Variants in ICA1 observed in about 807,000 individuals in gnomAD.
The protein encoded by ICA1 is islet cell autoantigen 1, also known as 69 kDa islet cell autoantigen.
In ICA1, 40 loss-of-function variants were observed where a neutral mutation model predicts 71.0. The observed-to-expected ratio is 0.56, with a 90% CI of 0.44 to 0.73. ICA1 has a LOEUF of 0.73. Among genes scored for constraint, ICA1 ranks in the 30% least tolerant of loss-of-function variants. ICA1 has a pLI of 0.00. For synonymous variants in ICA1, 207 were observed against 209.5 expected, an observed-to-expected ratio of 0.99 and a Z score of 0.10; for missense variants, 578 against 576.5, an observed-to-expected ratio of 1.00 and a Z score of -0.03.
In ICA1 at chr7:8,139,159, A is replaced by G. The variant is rs1000568453; in HGVS notation, c.956-112T>C. ...GCTTCAGGAAGAAATGGGATCCACAAACTCAGCCAGAAGCAAGGGTCCTCA... is the reference window on the plus strand; with the variant it reads ...GCTTCAGGAAGAAATGGGATCCACAGACTCAGCCAGAAGCAAGGGTCCTCA... On this transcript the variant is annotated intron_variant, in intron 10 of 13. Transcript: ENST00000402384. 119 of 803,714 alleles carry G rather than the reference A, an allele frequency of 1.5e-4. No individual in the cohort carries two copies. The South Asian group carries it at 2.0e-3, about 13-fold the overall frequency. The allele number at this position is 803,714 out of a possible 1,614,324, so 49.8% of individuals were successfully genotyped here.
At position 8,174,773 on chromosome 7, in the gene ICA1, A is replaced by AC. The variant is rs1562836979; in HGVS notation, c.580-16122_580-16121insG. Among the ~76,000 whole-genome samples, 210 of 149,916 alleles carry AC rather than the reference A, an allele frequency of 1.4e-3. 1 individual carries two copies. Among genetic ancestry groups the AC allele is most frequent in the African/African-American group, 4.5e-3 (181 of 40,672 alleles). On this transcript the variant is annotated intron_variant, in intron 6 of 13. Transcript: ENST00000402384. ...TGTATCTCAAAAAAAAAAAAAAAAA[A>AC]AAAAAACAGAGAGAGAGACAAATGA...
intron 6 of ICA1, among the ~76,000 whole-genome samples, chr7:8,186,568 G>A (rs1289413522): frequency 6.6e-6 from 1 of 152,118 alleles, no homozygotes; most frequent in Non-Finnish European, 1.5e-5. Flanking sequence ...GACAGGGGAT[G>A]GATGACAGAG....
chr7:8,130,495 G>A lies in ICA1; in HGVS notation c.1061-2353C>T, dbSNP rs148537273. On this transcript the variant is annotated intron_variant, in intron 12 of 13. Transcript: ENST00000402384. This position sits in a 1 kb window ranked among gnomAD's most constrained non-coding sequence, Gnocchi z 4.2. Reference sequence around the variant, plus strand: ...CTCTATACTTCCTACTTTCAGGTAGGACTGGAATGCCCAAACCCTTTCTTA... The same window carrying A: ...CTCTATACTTCCTACTTTCAGGTAGAACTGGAATGCCCAAACCCTTTCTTA... Among the ~76,000 whole-genome samples the A allele has an allele frequency of 6.6e-6, 1 of 152,232 alleles. No homozygotes were observed. Among genetic ancestry groups the A allele is most frequent in the Non-Finnish European group, 1.5e-5 (1 of 68,038 alleles).
At chr7:8,241,318 C>A (rs1803787909) in intron 1 of ICA1, among the ~76,000 whole-genome samples, 1 of 152,180 alleles carries the variant, frequency 6.6e-6, no homozygotes, top group Non-Finnish European at 1.5e-5. Context: ...GCAAACTAAG[C>A]TTCATAAGTG....
intron 6 of ICA1, among the ~76,000 whole-genome samples, chr7:8,213,478 A>G (rs1468617361): frequency 6.6e-6 from 1 of 152,208 alleles, no homozygotes; most frequent in Non-Finnish European, 1.5e-5. Context: ...TTTAATCCAG[A>G]GAGCTGAATG....
intron 12 of ICA1, among the ~76,000 whole-genome samples, chr7:8,133,378 G>T (rs949094954): frequency 6.6e-6 from 1 of 152,102 alleles, no homozygotes; most frequent in African/African-American, 2.4e-5. Context: ...CTCCAGGCTT[G>T]AATGCCTTCT....
At chr7:8,252,306 T>A (rs1165767949) in intron 1 of ICA1, among the ~76,000 whole-genome samples, 1 of 152,244 alleles carries the variant, frequency 6.6e-6, no homozygotes, top group African/African-American at 2.4e-5. Context: ...TGTGAAGGAA[T>A]ACTACGCCCT....
At chr7:8,180,454 C>T (rs540157333) in intron 6 of ICA1, among the ~76,000 whole-genome samples, 16 of 152,214 alleles carry the variant, frequency 1.1e-4, no homozygotes, top group African/African-American at 2.4e-4. Flanking sequence ...TTTACTTTCA[C>T]GTTGCAGCTA....
chr7:8,142,392 G>A (rs940310282), intron 9 of ICA1, among the ~76,000 whole-genome samples: 2 of 152,172 alleles, frequency 1.3e-5, no homozygotes, highest in Admixed American at 6.5e-5. Flanking sequence ...CAAAATTCAC[G>A]TTCAGTGTTC....
At position 8,212,675 on chromosome 7, in the gene ICA1, T is replaced by C. The variant is rs565941434; in HGVS notation, c.579+5630A>G. Among the ~76,000 whole-genome samples, 4 of 152,268 alleles carry C rather than the reference T, an allele frequency of 2.6e-5. No homozygotes were observed. The South Asian group carries it at 8.3e-4, about 32-fold the overall frequency. Reference sequence around the variant, plus strand: ...AATAGGCCTATCGGACCTATCCAAGTGGTCACAGCTGGTGTCAGCAAGGGC... The same window carrying C: ...AATAGGCCTATCGGACCTATCCAAGCGGTCACAGCTGGTGTCAGCAAGGGC... On this transcript the variant is annotated intron_variant, in intron 6 of 13. Coordinates refer to ENST00000402384, the MANE Select transcript of ICA1 (RefSeq NM_001136020.3).
At position 8,173,588 on chromosome 7, in the gene ICA1, T is replaced by C. The variant is rs1779551472; in HGVS notation, c.580-14936A>G. On this transcript the variant is annotated intron_variant, in intron 6 of 13. Coordinates refer to ENST00000402384, the MANE Select transcript of ICA1 (RefSeq NM_001136020.3). The surrounding 1 kb of genome is among the most constrained non-coding windows in gnomAD (Gnocchi z 4.0). The stretch of plus-strand genomic sequence containing the variant: ...TCTGTGCTTCAGGACGACCGGATAA[T>C]TGACAAGGGAGTTATTCATTGCTGA... Among the ~76,000 whole-genome samples, 2 of 152,186 alleles carry C rather than the reference T, an allele frequency of 1.3e-5. No individual in the cohort carries two copies. The highest frequency in any genetic ancestry group is 2.1e-4 in the South Asian group (1 of 4,832).
intron 1 of ICA1, among the ~76,000 whole-genome samples, chr7:8,252,659 T>C (rs1475501305): frequency 1.3e-5 from 2 of 151,584 alleles, no homozygotes; most frequent in Non-Finnish European, 2.9e-5. Flanking sequence ...TATTTATAGT[T>C]ATAAAAATTA....
chr7:8,139,697 T>C (rs1794575291), intron 10 of ICA1, among the ~76,000 whole-genome samples: 1 of 152,174 alleles, frequency 6.6e-6, no homozygotes, highest in Non-Finnish European at 1.5e-5. Flanking sequence ...TCAATGTAGG[T>C]TTATTGACTA....
At position 8,175,139 on chromosome 7, in the gene ICA1, G is replaced by A. The variant is rs541150376; in HGVS notation, c.580-16487C>T. Among the ~76,000 whole-genome samples the A allele has an allele frequency of 1.8e-4, 28 of 151,990 alleles. No homozygotes were observed. The East Asian group carries it at 4.8e-3, about 26-fold the overall frequency. On this transcript the variant is annotated intron_variant, in intron 6 of 13. Coordinates refer to ENST00000402384, the MANE Select transcript of ICA1 (RefSeq NM_001136020.3). ...TTGAAAAGAATGTGGGGGATAAAGC[G>A]GGGAGGGGCACAGAGTGGGCTGGCC...
At chr7:8,131,332 A>G (rs191123333) in intron 12 of ICA1, among the ~76,000 whole-genome samples, 1 of 152,304 alleles carries the variant, frequency 6.6e-6, no homozygotes, top group Non-Finnish European at 1.5e-5. Flanking sequence ...ATTTAAACCT[A>G]AACTATTTCA....
At chr7:8,171,151 C>A (rs1310173072) in intron 6 of ICA1, among the ~76,000 whole-genome samples, 1 of 151,678 alleles carries the variant, frequency 6.6e-6, no homozygotes, top group Non-Finnish European at 1.5e-5. Context: ...GTAACTCTGC[C>A]CTCATAAAAT....
intron 8 of ICA1, 91 bp downstream of exon 8, chr7:8,157,025 T>G: frequency 2.5e-6 from 4 of 1,609,202 alleles, no homozygotes; most frequent in Non-Finnish European, 3.4e-6. Flanking sequence ...AGTCCTGGAA[T>G]AATGATGCTT....
chr7:8,159,437 C>T (rs1260291409), intron 6 of ICA1, among the ~76,000 whole-genome samples: 5 of 152,224 alleles, frequency 3.3e-5, no homozygotes, highest in Admixed American at 6.5e-5. Flanking sequence ...CAAGGCCAGG[C>T]ACAGTGGCTT....
chr7:8,155,419 G>A (rs566765418), intron 8 of ICA1, among the ~76,000 whole-genome samples: 10 of 152,256 alleles, frequency 6.6e-5, no homozygotes, highest in Non-Finnish European at 5.9e-5. Context: ...AAAAATTAAG[G>A]AGCCATATTT....
Sources: gnomAD v4.1 joint callset for allele counts (sites outside exome capture counted in the v4.1 genomes callset) on GRCh38, gnomAD v4.1.1 for gene constraint, Gnocchi (gnomAD v3.1) non-coding constraint, MANE v1.5 for transcripts, NCBI Gene and HGNC (gene_info 2026-07-23, HGNC 2026-07-21) for gene names.